The following HEATR4 variants were observed in gnomAD, a reference collection of about 807,000 sequenced individuals.
HEATR4 encodes HEAT repeat-containing protein 4.
A neutral mutation model predicts 108.8 loss-of-function variants in HEATR4; 95 were observed. That is an observed-to-expected ratio of 0.87 (90% CI 0.74 to 1.04). The LOEUF is 1.04. Among genes scored for constraint, HEATR4 ranks in the 50% least tolerant of loss-of-function variants. The probability of loss-of-function intolerance (pLI) is 0.00; values close to 1 mark genes in which losing one functional copy is unlikely to be tolerated. For synonymous variants in HEATR4, 443 were observed against 459.4 expected (o/e 0.96, Z 0.46); for missense variants, 1,152 against 1,253.8 (o/e 0.92, Z 1.23).
the HEATR4 span, among the ~76,000 whole-genome samples, chr14:73,585,756 G>T: frequency 6.8e-6 from 1 of 147,728 alleles, no homozygotes; most frequent in East Asian, 2.0e-4. Context: ...AATCATTGCT[G>T]TGGAGGATAC....
chr14:73,600,950 G>A, the HEATR4 span, among the ~76,000 whole-genome samples: 7 of 151,816 alleles, frequency 4.6e-5, no homozygotes, highest in South Asian at 4.2e-4. Context: ...AGACCAGCCC[G>A]GCCAACATGG....
chr14:73,535,691 G>T lies in HEATR4; in HGVS notation c.-151-5447C>A, dbSNP rs1888846141. Among the ~76,000 whole-genome samples, 2 of 111,634 alleles carry T rather than the reference G, an allele frequency of 1.8e-5. 1 individual carries two copies. Among genetic ancestry groups the T allele is most frequent in the South Asian group, 5.7e-4 (2 of 3,498 alleles). 73.2% of individuals were successfully genotyped at this position (111,634 alleles called of 152,430 possible). A position where few individuals can be genotyped will look rare whatever the true frequency, so the allele number is the denominator to read the frequency against. On this transcript the variant is annotated intron_variant, in intron 1 of 17. Transcript: ENST00000553558. The stretch of plus-strand genomic sequence containing the variant: ...AGACGGAGTTTCACTGTGTTAGCCA[G>T]GATGGTGTCGATCTGCTGACCTCGT...
chr14:73,560,202 G>T (rs1157657282), upstream of HEATR4, among the ~76,000 whole-genome samples: 1 of 152,046 alleles, frequency 6.6e-6, no homozygotes, highest in African/African-American at 2.4e-5. Flanking sequence ...TGGGCCTAAG[G>T]CTCTGTCTCG....
intron 16 of HEATR4, among the ~76,000 whole-genome samples, chr14:73,493,989 T>C (rs991692264): frequency 9.2e-5 from 14 of 152,226 alleles, no homozygotes; most frequent in African/African-American, 3.1e-4. Context: ...ATGGTATGTT[T>C]TTGCTCACTG....
the HEATR4 span, among the ~76,000 whole-genome samples, chr14:73,614,661 C>T: frequency 0.51 from 76,758 of 150,860 alleles, 20,193 homozygotes; most frequent in East Asian, 0.85. Context: ...GTGGGAGAAT[C>T]GCTTGAACCC....
chr14:73,527,242 G>C (rs2140302328), intron 2 of HEATR4: 1 of 152,024 alleles, frequency 6.6e-6, no homozygotes, highest in South Asian at 2.1e-4. Context: ...TCAATGTCCA[G>C]ACATTGATGA....
Position 73,483,431 on chromosome 14 carries a change from C to T in HEATR4, c.2845-4589G>A, listed in dbSNP as rs142207797. On this transcript the variant is annotated intron_variant, in intron 17 of 17. Transcript: ENST00000553558. ...CCTATTCACAGGCACGATCATAGCT[C>T]ACTATAAACTTGAACTCCTGGGCTC... is the stretch of plus-strand genomic sequence containing the variant. 4.6e-4 allele frequency among the ~76,000 whole-genome samples: 70 copies of T among 152,270 alleles called. 1 individual carries two copies. The East Asian group carries it at 0.011, about 25-fold the overall frequency.
Position 73,522,489 on chromosome 14 carries a change from G to T in HEATR4, c.664C>A (p.Arg222Ser), listed in dbSNP as rs765049222. The T allele has an allele frequency of 2.5e-6, 4 of 1,614,224 alleles. No individual in the cohort carries two copies. In the South Asian group the frequency reaches 4.4e-5, roughly 18 times the overall value. Reference protein sequence around the residue: ...ERTARWIQSKRPRRPGASPNK... With the variant: ...ERTARWIQSKSPRRPGASPNK... ...GGGGATGCCCCAGGCCTTCGAGGAC[G>T]CTTGCTCTGGATCCATCGGGCTGTG... Residue 222 changes from arginine to serine, a missense_variant, in exon 3 of 18, where the codon CGT becomes AGT. Arg to Ser is a moderately radical substitution (Grantham distance 110, BLOSUM62 -1). Transcript: ENST00000553558.
At chr14:73,595,599 CCTT>C in the HEATR4 span, 19 of 1,564,148 alleles carry the variant, frequency 1.2e-5, no homozygotes, top group South Asian at 2.4e-5. Context: ...CAAATTCTAG[CCTT>C]CTTCTGCAAA....
At chr14:73,510,054 G>A (rs1887144218) in intron 7 of HEATR4, among the ~76,000 whole-genome samples, 1 of 150,192 alleles carries the variant, frequency 6.7e-6, no homozygotes, top group African/African-American at 2.5e-5. Flanking sequence ...GTAGAGATGG[G>A]ATTTCACCGT....
the HEATR4 span, among the ~76,000 whole-genome samples, chr14:73,572,657 T>TC: frequency 9.9e-6 from 1 of 101,300 alleles, no homozygotes; most frequent in Non-Finnish European, 1.9e-5. Flanking sequence ...TTTTTTTTTT[T>TC]TTTTTTTTGA....
the HEATR4 span, chr14:73,593,640 G>C: frequency 5.4e-6 from 8 of 1,482,766 alleles, no homozygotes; most frequent in Middle Eastern, 2.5e-4. Context: ...ACAGTGTCCA[G>C]CCAGGAAAGC....
Position 73,491,162 on chromosome 14 carries a change from C to T in HEATR4, c.2844+1904G>A, listed in dbSNP as rs777450367. The T allele has an allele frequency of 3.7e-6, 6 of 1,604,204 alleles. No individual in the cohort carries two copies. In the South Asian group the frequency reaches 6.7e-5, roughly 18 times the overall value. On this transcript the variant is annotated intron_variant, in intron 17 of 17. Coordinates refer to ENST00000553558, the MANE Select transcript of HEATR4 (RefSeq NM_001220484.1). The stretch of plus-strand genomic sequence containing the variant: ...AAAGCAGCTGCGAAGTGTTGTATCC[C>T]GCATGGCAGCGCTGAGGACGCAGAC...
Position 73,546,511 on chromosome 14 carries a change from A to C in HEATR4, c.-152+12240T>G, listed in dbSNP as rs1350767142. 3.6e-5 allele frequency among the ~76,000 whole-genome samples: 4 copies of C among 112,146 alleles called. 2 individuals carry two copies. The highest frequency in any genetic ancestry group is 1.2e-4 in the African/African-American group (4 of 34,622). The allele number at this position is 112,146 out of a possible 152,430, so 73.6% of individuals were successfully genotyped here. A position where few individuals can be genotyped will look rare whatever the true frequency, so the allele number is the denominator to read the frequency against. On this transcript the variant is annotated intron_variant, in intron 1 of 17. Transcript: ENST00000553558. The stretch of plus-strand genomic sequence containing the variant: ...CCTGAGTAGCTGGGACTGCAGACAC[A>C]TGTCACCATGGACAGCTAATTTTTG...
At chr14:73,595,449 G>C in the HEATR4 span, 1 of 1,614,096 alleles carries the variant, frequency 6.2e-7, no homozygotes, top group African/African-American at 1.3e-5. Context: ...CAGATCATCT[G>C]TTACCCTGGG....
intron 1 of HEATR4, among the ~76,000 whole-genome samples, chr14:73,553,117 C>T (rs1889347442): frequency 8.6e-6 from 1 of 115,712 alleles, no homozygotes; most frequent in Non-Finnish European, 1.9e-5. Context: ...GCTGGTGCCC[C>T]ACCCCGAAGG....
At chr14:73,500,498 A>G in intron 12 of HEATR4, 52 bp downstream of exon 12, 1 of 1,548,708 alleles carries the variant, frequency 6.5e-7, no homozygotes, top group East Asian at 2.3e-5. Context: ...AGGGAAGGTA[A>G]TGCCCTCTTC....
chr14:73,569,418 C>T, the HEATR4 span: 3 of 1,613,860 alleles, frequency 1.9e-6, no homozygotes, highest in South Asian at 1.1e-5. Context: ...CATTAGGGTT[C>T]CTGCTCGGAT....
the HEATR4 span, chr14:73,592,084 A>C: frequency 6.7e-7 from 1 of 1,488,048 alleles, no homozygotes; most frequent in East Asian, 2.8e-5. Context: ...CGCGACGAGA[A>C]GGGCGCGCTC....
Sources: allele counts gnomAD v4.1 joint callset (sites outside exome capture counted in the v4.1 genomes callset), GRCh38; gene constraint gnomAD v4.1.1; transcripts MANE v1.5; gene names NCBI Gene and HGNC (gene_info 2026-07-23, HGNC 2026-07-21).